KCTD20: variants seen among roughly 807,000 people sequenced by gnomAD.
KCTD20 encodes the protein potassium channel tetramerization domain containing 20.
In KCTD20, 30 loss-of-function variants were observed where a neutral mutation model predicts 39.6. The observed-to-expected ratio is 0.76, with a 90% confidence interval of 0.57 to 1.03. The LOEUF is 1.03. KCTD20 is among the 50% of genes least tolerant of loss of function. The pLI is 0.00. For synonymous variants in KCTD20, 162 were observed against 180.6 expected (o/e 0.90, Z 0.83); for missense variants, 422 against 522.0 (o/e 0.81, Z 1.87).
intron 1 of KCTD20, among the ~76,000 whole-genome samples, chr6:36,454,259 C>A (rs190280722): frequency 1.4e-3 from 217 of 152,328 alleles, no homozygotes; most frequent in Non-Finnish European, 2.3e-3. Context: ...TAGAACACAG[C>A]CATGCTTACT....
chr6:36,467,877 C>T (rs1460253648), intron 1 of KCTD20, among the ~76,000 whole-genome samples: 1 of 152,058 alleles, frequency 6.6e-6, no homozygotes, highest in Non-Finnish European at 1.5e-5. Flanking sequence ...TTCTCAAGAA[C>T]ATTTAGAAAA....
intron 2 of KCTD20, among the ~76,000 whole-genome samples, chr6:36,472,564 A>C (rs1293150635): frequency 2.0e-5 from 3 of 151,410 alleles, no homozygotes; most frequent in African/African-American, 7.3e-5. Flanking sequence ...AAAGGGCTTG[A>C]AGAAAAGATA....
At chr6:36,462,768 C>T (rs755569866) in intron 1 of KCTD20, among the ~76,000 whole-genome samples, 14 of 152,192 alleles carry the variant, frequency 9.2e-5, no homozygotes, top group African/African-American at 2.2e-4. Context: ...CCCTTTTCTT[C>T]GCTGTCAGCC....
chr6:36,458,223 T>A (rs544429157), intron 1 of KCTD20, among the ~76,000 whole-genome samples: 18 of 152,150 alleles, frequency 1.2e-4, no homozygotes, highest in African/African-American at 2.4e-4. Context: ...CAGCTAATTT[T>A]TTTTTATTTT....
chr6:36,450,163 T>TAAAAAA lies in KCTD20; in HGVS notation c.-47+7074_-47+7079dup, dbSNP rs576681021. On this transcript the variant is annotated intron_variant, in intron 1 of 7. Coordinates refer to ENST00000373731, the MANE Select transcript of KCTD20 (RefSeq NM_173562.5). Reference sequence around the variant, plus strand: ...TGGGCAACAGAGTGAGACTCCGTCCTAAAAAAAAAAAAAAAAAAAAAAAAA... The same window carrying TAAAAAA: ...TGGGCAACAGAGTGAGACTCCGTCCTAAAAAAAAAAAAAAAAAAAAAAAAAAAAAAA... Among the ~76,000 whole-genome samples, 5 of 105,870 alleles carry TAAAAAA rather than the reference T, an allele frequency of 4.7e-5. No individual in the cohort carries two copies. In the East Asian group the frequency reaches 9.3e-4, roughly 20 times the overall value. The allele number at this position is 105,870 out of a possible 152,430, so 69.5% of individuals were successfully genotyped here.
intron 1 of KCTD20, among the ~76,000 whole-genome samples, chr6:36,464,518 C>T (rs371594063): frequency 3.3e-5 from 5 of 152,262 alleles, no homozygotes; most frequent in East Asian, 1.9e-4. Flanking sequence ...TCAGTACTTT[C>T]GGAATATGAT....
At chr6:36,479,495 C>T (rs1451937932) in intron 4 of KCTD20, 96 bp from the exon 5 acceptor site, 6 of 1,109,692 alleles carry the variant, frequency 5.4e-6, no homozygotes, top group Non-Finnish European at 7.8e-6. Context: ...ATTCCAGTAG[C>T]TCATTGCTTT....
At position 36,487,249 on chromosome 6, in the gene KCTD20, T is replaced by G. The variant is rs1776455795; in HGVS notation, c.*74T>G. ...CCTGCAGCCAGCCCTCCCTCGTGATTTGTCTCACCTTGAGTAGGAGACATG... is the reference window on the plus strand; with the variant it reads ...CCTGCAGCCAGCCCTCCCTCGTGATGTGTCTCACCTTGAGTAGGAGACATG... On this transcript the variant is annotated 3_prime_UTR_variant, in exon 8 of 8. Coordinates refer to ENST00000373731, the MANE Select transcript of KCTD20 (RefSeq NM_173562.5). The G allele has an allele frequency of 1.4e-6, 2 of 1,446,660 alleles. No individual in the cohort carries two copies. Among genetic ancestry groups the G allele is most frequent in the African/African-American group, 2.8e-5 (2 of 70,856 alleles). 89.6% of individuals were successfully genotyped at this position (1,446,660 alleles called of 1,614,324 possible). A position where few individuals can be genotyped will look rare whatever the true frequency, so the allele number is the denominator to read the frequency against.
intron 6 of KCTD20, among the ~76,000 whole-genome samples, chr6:36,482,924 T>C (rs853882): frequency 0.44 from 61,951 of 141,974 alleles, 14,670 homozygotes; most frequent in African/African-American, 0.62. Context: ...TCAGCCTGAG[T>C]GACAGAGCAA....
rs1417352566 is a variant in KCTD20 at position 36,459,169 on chromosome 6, A to G, written c.-46-10883A>G. Among the ~76,000 whole-genome samples the G allele has an allele frequency of 3.3e-5, 5 of 152,186 alleles. No individual in the cohort carries two copies. The East Asian group carries it at 9.7e-4, about 30-fold the overall frequency. On this transcript the variant is annotated intron_variant, in intron 1 of 7. Transcript: ENST00000373731. ...TCTACTAAAAATACAAAAATTAGCC[A>G]GGGCTGGTGGCACGTGCCCATAATC...
chr6:36,479,362 C>A, intron 4 of KCTD20, 139 bp downstream of exon 4: 1 of 721,972 alleles, frequency 1.4e-6, no homozygotes, highest in Non-Finnish European at 2.2e-6. Flanking sequence ...GTTTTCTATT[C>A]CTGTAACTTT....
chr6:36,460,454 C>T (rs1775569466), intron 1 of KCTD20, among the ~76,000 whole-genome samples: 1 of 152,156 alleles, frequency 6.6e-6, no homozygotes, highest in Non-Finnish European at 1.5e-5. Context: ...CAGGTGCCCA[C>T]CATCACACCC....
At chr6:36,480,812 A>G (rs1776222381) in intron 5 of KCTD20, among the ~76,000 whole-genome samples, 1 of 152,180 alleles carries the variant, frequency 6.6e-6, no homozygotes, top group African/African-American at 2.4e-5. Context: ...TCGGCCTCCC[A>G]AAGTGCCGAG....
intron 1 of KCTD20, among the ~76,000 whole-genome samples, chr6:36,466,384 CTTTTT>C (rs397745312): frequency 7.2e-6 from 1 of 138,718 alleles, no homozygotes. Context: ...CTTTTTTTCT[CTTTTT>C]TTTTTTTTTT....
intron 1 of KCTD20, among the ~76,000 whole-genome samples, chr6:36,464,442 C>G (rs940158460): frequency 6.6e-6 from 1 of 152,158 alleles, no homozygotes; most frequent in African/African-American, 2.4e-5. Flanking sequence ...CCACAGCCTC[C>G]TGAGCAGCTG....
Position 36,479,779 on chromosome 6 carries a change from A to ATTT in KCTD20, c.658+96_658+98dup, listed in dbSNP as rs58609674. 1.9e-3 allele frequency: 508 copies of ATTT among 268,056 alleles called. 5 individuals are homozygous for ATTT. The highest frequency in any genetic ancestry group is 5.3e-3 in the South Asian group (197 of 37,512). The allele number at this position is 268,056 out of a possible 1,614,324, so 16.6% of individuals were successfully genotyped here. On this transcript the variant is annotated intron_variant, in intron 5 of 7. Transcript: ENST00000373731. ...CTTTCAGTTTTCTTGGAAGTCACCG[A>ATTT]TTTTTTTTTTTTTTTTTTTTTTTTT...
At chr6:36,478,078 G>T (rs576327037) in intron 3 of KCTD20, among the ~76,000 whole-genome samples, 1 of 129,030 alleles carries the variant, frequency 7.8e-6, no homozygotes, top group African/African-American at 3.4e-5. Flanking sequence ...CTGGGCAACA[G>T]AGCGAAACTC....
chr6:36,466,048 ATTG>A lies in KCTD20; in HGVS notation c.-46-3997_-46-3995del, dbSNP rs1051543621. On this transcript the variant is annotated intron_variant, in intron 1 of 7. Transcript: ENST00000373731. ...TAGTTTTGCAGCAATAGAGAATTAT[ATTG>A]TTGTTGAAGTGTTTTGTTTCTTTTC... Among the ~76,000 whole-genome samples, 173 of 151,132 alleles carry A rather than the reference ATTG, an allele frequency of 1.1e-3. 1 individual carries two copies. Among genetic ancestry groups the A allele is most frequent in the African/African-American group, 2.8e-3 (114 of 41,192 alleles).
intron 1 of KCTD20, among the ~76,000 whole-genome samples, chr6:36,463,343 G>GA (rs1225374037): frequency 6.6e-6 from 1 of 152,048 alleles, no homozygotes; most frequent in Non-Finnish European, 1.5e-5. Context: ...TGATTTCCAG[G>GA]ATATACTGTT....
Sources: allele counts gnomAD v4.1 joint callset (sites outside exome capture counted in the v4.1 genomes callset), GRCh38; gene constraint gnomAD v4.1.1; transcripts MANE v1.5; gene names NCBI Gene and HGNC (gene_info 2026-07-23, HGNC 2026-07-21).